Variants in E2F5 observed in about 807,000 individuals in gnomAD.
The protein encoded by E2F5 is transcription factor E2F5.
Under a neutral mutation model 39.1 loss-of-function variants are expected in E2F5, and 23 were observed. The observed-to-expected ratio is 0.59, with a 90% CI of 0.42 to 0.83. E2F5 has a LOEUF of 0.83. E2F5 is among the 40% of genes least tolerant of loss of function. The pLI, the probability that E2F5 is intolerant of heterozygous loss-of-function variation, is 0.00. For missense variants in E2F5, 365 were observed against 406.7 expected, an observed-to-expected ratio of 0.90 and a Z score of 0.88; for synonymous variants, 145 against 157.8, an observed-to-expected ratio of 0.92 and a Z score of 0.61.
At position 85,186,749 on chromosome 8, in the gene E2F5, TGGTATATATAA is replaced by T. The variant is rs1011555062; in HGVS notation, c.234+9099_234+9109del. Among the ~76,000 whole-genome samples the T allele has an allele frequency of 2.8e-4, 42 of 147,764 alleles. No individual in the cohort carries two copies. The South Asian group carries it at 3.2e-3, about 11-fold the overall frequency. ...ATATGATATATATAAGGTATATATA[TGGTATATATAA>T]GGTGTATATATACGGTATATATAAG... On this transcript the variant is annotated intron_variant, in intron 1 of 7. Transcript: ENST00000416274.
chr8:85,213,672 T>A, intron 7 of E2F5, 81 bp from the exon 8 acceptor site: 1 of 702,346 alleles, frequency 1.4e-6, no homozygotes, highest in Non-Finnish European at 2.5e-6. Context: ...TTTGGAATGA[T>A]GTATTTGAGA....
At position 85,214,442 on chromosome 8, in the gene E2F5, T is replaced by G; in HGVS notation, c.*580T>G. Reference sequence around the variant, plus strand: ...CTAGGTTATAGGAAAGATCTGTTTATGTAGTTTGTTTTTAAAATGTGCCAA... The same window carrying G: ...CTAGGTTATAGGAAAGATCTGTTTAGGTAGTTTGTTTTTAAAATGTGCCAA... On this transcript the variant is annotated 3_prime_UTR_variant, in exon 8 of 8. Transcript: ENST00000416274. 1.4e-6 allele frequency: 1 copy of G among 728,388 alleles called. No homozygotes were observed. The allele number at this position is 728,388 out of a possible 1,614,324, so 45.1% of individuals were successfully genotyped here. A position where few individuals can be genotyped will look rare whatever the true frequency, so the allele number is the denominator to read the frequency against.
intron 1 of E2F5, among the ~76,000 whole-genome samples, chr8:85,186,197 A>T (rs1563976601): frequency 6.6e-6 from 1 of 152,218 alleles, no homozygotes; most frequent in South Asian, 2.1e-4. Context: ...GGATGAGTTC[A>T]TGTCCTTTGC....
chr8:85,203,329 ATCAT>A, intron 3 of E2F5, 74 bp downstream of exon 3: 1 of 1,262,302 alleles, frequency 7.9e-7, no homozygotes, highest in Non-Finnish European at 1.0e-6. Flanking sequence ...CAGTCTAAAG[ATCAT>A]TCACTTTGTT....
chr8:85,201,890 C>A, intron 1 of E2F5: 1 of 471,980 alleles, frequency 2.1e-6, no homozygotes, highest in East Asian at 4.2e-5. Context: ...TTATTGTGTT[C>A]TTTTATTTTT....
chr8:85,213,889 C>T lies in E2F5; in HGVS notation c.*27C>T. Reference sequence around the variant, plus strand: ...TTCCATGGAAACTTGGGACTGTTATCTACCTCTAACTGTGTAACATTTTAG... The same window carrying T: ...TTCCATGGAAACTTGGGACTGTTATTTACCTCTAACTGTGTAACATTTTAG... On this transcript the variant is annotated 3_prime_UTR_variant, in exon 8 of 8. Coordinates refer to ENST00000416274, the MANE Select transcript of E2F5 (RefSeq NM_001951.4). 7.8e-7 allele frequency: 1 copy of T among 1,276,650 alleles called. No individual in the cohort carries two copies. Among genetic ancestry groups the T allele is most frequent in the Non-Finnish European group, 1.1e-6 (1 of 878,554 alleles). 79.1% of individuals were successfully genotyped at this position (1,276,650 alleles called of 1,614,324 possible).
At chr8:85,213,675 A>ATT in intron 7 of E2F5, 78 bp from the exon 8 acceptor site, 1 of 727,038 alleles carries the variant, frequency 1.4e-6, no homozygotes, top group Non-Finnish European at 2.4e-6. Flanking sequence ...GGAATGATGT[A>ATT]TTTGAGAGTA....
chr8:85,193,034 G>A (rs551550557), intron 1 of E2F5, among the ~76,000 whole-genome samples: 48 of 152,216 alleles, frequency 3.2e-4, no homozygotes, highest in African/African-American at 1.1e-3. Flanking sequence ...TGTTTGTTGG[G>A]TAACTGACAG....
Position 85,202,159 on chromosome 8 carries a change from T to C in E2F5, c.247T>C (p.Leu83=), listed in dbSNP as rs1235092502. Reference sequence around the variant, plus strand: ...CTTTCCTGAACAGGCTGCTGATACTTTGGCTGTGAGGCAAAAAAGGAGAAT... The same window carrying C: ...CTTTCCTGAACAGGCTGCTGATACTCTGGCTGTGAGGCAAAAAAGGAGAAT... ...VLDLKAAADT[L]AVRQKRRIYD... Residue 83 remains leucine, a synonymous_variant, in exon 2 of 8, where the codon TTG becomes CTG. Transcript: ENST00000416274. The C allele has an allele frequency of 1.9e-6, 3 of 1,612,798 alleles. No individual in the cohort carries two copies. The African/African-American group carries it at 4.0e-5, about 22-fold the overall frequency.
At chr8:85,202,986 C>T (rs1812726093) in intron 2 of E2F5, 108 bp from the exon 3 acceptor site, 1 of 831,468 alleles carries the variant, frequency 1.2e-6, no homozygotes, top group South Asian at 5.9e-5. Flanking sequence ...AGTGTAAAGA[C>T]TTCTGTCTTG....
At chr8:85,186,969 A>AT (rs1812358210) in intron 1 of E2F5, among the ~76,000 whole-genome samples, 1 of 150,394 alleles carries the variant, frequency 6.6e-6, no homozygotes, top group African/African-American at 2.4e-5. Context: ...ATAAAAAAAA[A>AT]TCCCTGTTAG....
rs146409595 is a variant in E2F5 at position 85,178,452 on chromosome 8, G to A, written c.234+798G>A. Reference sequence around the variant, plus strand: ...CAAACAGGAGCAGGCATCAAAAGCTGTTCTGTCATACAGAATGACTTAACC... The same window carrying A: ...CAAACAGGAGCAGGCATCAAAAGCTATTCTGTCATACAGAATGACTTAACC... On this transcript the variant is annotated intron_variant, in intron 1 of 7. Coordinates refer to ENST00000416274, the MANE Select transcript of E2F5 (RefSeq NM_001951.4). Among the ~76,000 whole-genome samples, 50 of 152,296 alleles carry A rather than the reference G, an allele frequency of 3.3e-4. No individual in the cohort carries two copies. In the East Asian group the frequency reaches 9.1e-3, roughly 28 times the overall value.
chr8:85,187,591 A>G (rs1812370070), intron 1 of E2F5: 1 of 152,048 alleles, frequency 6.6e-6, no homozygotes. Context: ...ATTTAATCTG[A>G]TATATGTATA....
chr8:85,199,353 C>G (rs556305707), intron 1 of E2F5, among the ~76,000 whole-genome samples: 86 of 152,268 alleles, frequency 5.6e-4, no homozygotes, highest in Middle Eastern at 3.4e-3. Context: ...AGCTCTTTCC[C>G]TGAAAATCCT....
Position 85,177,643 on chromosome 8 carries a change from G to A in E2F5, c.223G>A (p.Asp75Asn). The A allele has an allele frequency of 7.7e-7, 1 of 1,293,108 alleles. No individual in the cohort carries two copies. Among genetic ancestry groups the A allele is most frequent in the Non-Finnish European group, 9.8e-7 (1 of 1,016,536 alleles). The allele number at this position is 1,293,108 out of a possible 1,614,324, so 80.1% of individuals were successfully genotyped here. A position where few individuals can be genotyped will look rare whatever the true frequency, so the allele number is the denominator to read the frequency against. Residue 75 changes from aspartate (D) to asparagine (N), a missense_variant, in exon 1 of 8, where the codon GAT becomes AAT. By Grantham distance (23) the Asp-to-Asn change is conservative. Transcript: ENST00000416274. ...GCAGGAGGCCAAGGACGGCGTTCTG[G>A]ATCTCAAAGCGGTGAGCTCCGGAGG... ...LLQEAKDGVL[D>N]LKAAADTLAV... is the part of the protein sequence containing the mutation.
chr8:85,214,393 G>A lies in E2F5; in HGVS notation c.*531G>A. Reference sequence around the variant, plus strand: ...TAGCACTTTAAGTTTATCACATTTTGTTGACTTCTGACATTCCACTTTCCT... The same window carrying A: ...TAGCACTTTAAGTTTATCACATTTTATTGACTTCTGACATTCCACTTTCCT... On this transcript the variant is annotated 3_prime_UTR_variant, in exon 8 of 8. Coordinates refer to ENST00000416274, the MANE Select transcript of E2F5 (RefSeq NM_001951.4). 1 of 622,546 alleles carries A rather than the reference G, an allele frequency of 1.6e-6. No individual in the cohort carries two copies. Among genetic ancestry groups the A allele is most frequent in the South Asian group, 1.9e-5 (1 of 52,198 alleles). The allele number at this position is 622,546 out of a possible 1,614,324, so 38.6% of individuals were successfully genotyped here.
chr8:85,213,702 T>C, intron 7 of E2F5, 51 bp from the exon 8 acceptor site: 1 of 936,632 alleles, frequency 1.1e-6, no homozygotes, highest in Non-Finnish European at 1.7e-6. Flanking sequence ...TAAAGATCAT[T>C]AACCGTATGT....
rs1480619035 is a variant in E2F5 at position 85,209,150 on chromosome 8, T to C, written c.624T>C (p.Asn208=). Reference sequence around the variant, plus strand: ...ACCCAATAACTTCAAAGGGTCAGAATGGACAAAAGAAATACCAGATCAATC... The same window carrying C: ...ACCCAATAACTTCAAAGGGTCAGAACGGACAAAAGAAATACCAGATCAATC... ...LEVPIPEMGQ[N]GQKKYQINLK... The change falls in exon 6 of 8, where the codon AAT becomes AAC. Residue 208 remains asparagine, a synonymous_variant. Coordinates refer to ENST00000416274, the MANE Select transcript of E2F5 (RefSeq NM_001951.4). The C allele has an allele frequency of 6.2e-7, 1 of 1,613,856 alleles. No homozygotes were observed. The highest frequency in any genetic ancestry group is 1.7e-5 in the Admixed American group (1 of 60,024).
Position 85,177,338 on chromosome 8 carries a change from C to T in E2F5, c.-83C>T. 2 of 967,016 alleles carry T rather than the reference C, an allele frequency of 2.1e-6. No homozygotes were observed. The highest frequency in any genetic ancestry group is 2.5e-6 in the Non-Finnish European group (2 of 813,228). 59.9% of individuals were successfully genotyped at this position (967,016 alleles called of 1,614,324 possible). A position where few individuals can be genotyped will look rare whatever the true frequency, so the allele number is the denominator to read the frequency against. Reference sequence around the variant, plus strand: ...TCGGCGGGCGGGGAAGCGGCCGCAGCGGAGCCGACCCGGCAGGTGGCCGCG... The same window carrying T: ...TCGGCGGGCGGGGAAGCGGCCGCAGTGGAGCCGACCCGGCAGGTGGCCGCG... On this transcript the variant is annotated 5_prime_UTR_variant, in exon 1 of 8. Coordinates refer to ENST00000416274, the MANE Select transcript of E2F5 (RefSeq NM_001951.4).
Sources: allele counts gnomAD v4.1 joint callset (sites outside exome capture counted in the v4.1 genomes callset), GRCh38; gene constraint gnomAD v4.1.1; transcripts MANE v1.5; gene names NCBI Gene and HGNC (gene_info 2026-07-23, HGNC 2026-07-21).